CLNK: variants seen among roughly 807,000 people sequenced by gnomAD.
CLNK encodes the protein cytokine dependent hematopoietic cell linker.
In CLNK, 74 loss-of-function variants were observed where a neutral mutation model predicts 68.6. The ratio of observed to expected loss-of-function variants is 1.08; its 90% CI spans 0.89 to 1.31. The LOEUF is 1.31. Ranked by LOEUF, CLNK falls within the 50% of genes most tolerant of loss-of-function variation. CLNK has a pLI of 0.00. For synonymous variants in CLNK, 198 were observed against 172.2 expected, an observed-to-expected ratio of 1.15 and a Z score of -1.17; for missense variants, 553 against 515.3, an observed-to-expected ratio of 1.07 and a Z score of -0.71.
At chr4:10,498,101 A>G (rs1325849957) in intron 18 of CLNK, among the ~76,000 whole-genome samples, 1 of 152,184 alleles carries the variant, frequency 6.6e-6, no homozygotes, top group Admixed American at 6.5e-5. Context: ...AGGCTGAGGC[A>G]GGAGAATCGC....
intron 18 of CLNK, among the ~76,000 whole-genome samples, chr4:10,492,789 A>G (rs1716637503): frequency 6.6e-6 from 1 of 152,104 alleles, no homozygotes; most frequent in South Asian, 2.1e-4. Flanking sequence ...TAGAGTGGGA[A>G]TGTCTTGATG....
chr4:10,532,776 G>T (rs1718599699), intron 11 of CLNK, among the ~76,000 whole-genome samples: 1 of 152,118 alleles, frequency 6.6e-6, no homozygotes, highest in Non-Finnish European at 1.5e-5. Flanking sequence ...ACATAAAATT[G>T]AATGGTAGAG....
At chr4:10,609,090 T>A (rs536109358) in intron 2 of CLNK, among the ~76,000 whole-genome samples, 16 of 152,348 alleles carry the variant, frequency 1.1e-4, no homozygotes, top group Non-Finnish European at 2.1e-4. Context: ...CTGGGTCACG[T>A]TAAACAAGAC....
chr4:10,712,461 T>A, the CLNK span, among the ~76,000 whole-genome samples: 1 of 152,128 alleles, frequency 6.6e-6, no homozygotes, highest in African/African-American at 2.4e-5. Flanking sequence ...AAACTAACAA[T>A]GGGAGGAATT....
Position 10,599,798 on chromosome 4 carries a change from C to T in CLNK, c.12-1749G>A, listed in dbSNP as rs77356550. Among the ~76,000 whole-genome samples the T allele has an allele frequency of 8.3e-4, 126 of 152,142 alleles. 1 individual carries two copies. In the East Asian group the frequency reaches 0.021, roughly 25 times the overall value. On this transcript the variant is annotated intron_variant, in intron 2 of 18. Transcript: ENST00000226951. ...CCTCCTGACTCTGTCTCTTCTTTGT[C>T]GTGTTCATGAGCTATTTAATATATT...
intron 11 of CLNK, among the ~76,000 whole-genome samples, chr4:10,533,540 G>A (rs910494867): frequency 1.3e-5 from 2 of 152,272 alleles, no homozygotes; most frequent in Admixed American, 6.5e-5. Flanking sequence ...TCCCAGTGTC[G>A]GATCTGCAAG....
At chr4:10,731,999 G>T in the CLNK span, among the ~76,000 whole-genome samples, 1 of 152,134 alleles carries the variant, frequency 6.6e-6, no homozygotes, top group Admixed American at 6.5e-5. Flanking sequence ...CCTCATTATG[G>T]CTGATTTCAA....
rs576899572 is a variant in CLNK, at chr4:10,503,253, G to T, written c.985-1842C>A. On this transcript the variant is annotated intron_variant, in intron 17 of 18. Transcript: ENST00000226951. ...ACGCGGGTGGATCACTTGAGGTCAGGAGTTCGAGACTTAGCCCGGCTGACA... is the reference window on the plus strand; with the variant it reads ...ACGCGGGTGGATCACTTGAGGTCAGTAGTTCGAGACTTAGCCCGGCTGACA... Among the ~76,000 whole-genome samples, 140 of 152,178 alleles carry T rather than the reference G, an allele frequency of 9.2e-4. 2 individuals are homozygous for T. Among genetic ancestry groups the T allele is most frequent in the Middle Eastern group, 3.4e-3 (1 of 294 alleles).
chr4:10,639,333 G>A (rs187371316), intron 2 of CLNK, among the ~76,000 whole-genome samples: 1 of 152,216 alleles, frequency 6.6e-6, no homozygotes, highest in East Asian at 1.9e-4. Context: ...TGCTTTGTCA[G>A]TGGCTTTGGC....
At chr4:10,652,800 A>G (rs1024632292) in intron 2 of CLNK, among the ~76,000 whole-genome samples, 4 of 152,342 alleles carry the variant, frequency 2.6e-5, no homozygotes, top group East Asian at 1.9e-4. Flanking sequence ...ACTGCATGCA[A>G]TTATGGTGGT....
intron 2 of CLNK, among the ~76,000 whole-genome samples, chr4:10,666,683 A>G (rs1049331449): frequency 6.6e-6 from 1 of 152,242 alleles, no homozygotes; most frequent in Non-Finnish European, 1.5e-5. Flanking sequence ...AAAGGAGGTC[A>G]CAACTCCTGG....
At chr4:10,607,018 G>A (rs1363579996) in intron 2 of CLNK, among the ~76,000 whole-genome samples, 7 of 152,174 alleles carry the variant, frequency 4.6e-5, no homozygotes, top group Admixed American at 6.5e-5. Flanking sequence ...TTACAGATGA[G>A]AAAACCATGG....
chr4:10,688,211 G>T (rs1725337983), upstream of CLNK, among the ~76,000 whole-genome samples: 1 of 152,330 alleles, frequency 6.6e-6, no homozygotes, highest in East Asian at 1.9e-4. Flanking sequence ...ATATTGAGTT[G>T]TGGGTAAGTG....
intron 3 of CLNK, among the ~76,000 whole-genome samples, chr4:10,590,394 T>C (rs1721139515): frequency 6.6e-6 from 1 of 152,190 alleles, no homozygotes; most frequent in Admixed American, 6.5e-5. Flanking sequence ...TGGTGTGTTA[T>C]TCCAGTCCCA....
At chr4:10,621,609 A>C (rs1722462512) in intron 2 of CLNK, among the ~76,000 whole-genome samples, 1 of 152,166 alleles carries the variant, frequency 6.6e-6, no homozygotes, top group Non-Finnish European at 1.5e-5. Flanking sequence ...CTGTCCTTAG[A>C]TTTGATAAGC....
chr4:10,632,199 G>A (rs1188270426), intron 2 of CLNK, among the ~76,000 whole-genome samples: 2 of 152,186 alleles, frequency 1.3e-5, no homozygotes, highest in Non-Finnish European at 1.5e-5. Context: ...CGAGTGTCCA[G>A]GCATCGTCCT....
chr4:10,717,019 A>AG, the CLNK span, among the ~76,000 whole-genome samples: 2 of 130,598 alleles, frequency 1.5e-5, no homozygotes, highest in African/African-American at 2.8e-5. Context: ...CAAACGCCAC[A>AG]GAAAAAAAAA....
intron 1 of CLNK, among the ~76,000 whole-genome samples, chr4:10,684,097 T>C (rs1725181945): frequency 6.6e-6 from 1 of 152,234 alleles, no homozygotes; most frequent in Non-Finnish European, 1.5e-5. Flanking sequence ...CCGGCACTTT[T>C]CAAGAGTAAG....
At chr4:10,640,970 T>C (rs2108875429) in intron 2 of CLNK, among the ~76,000 whole-genome samples, 1 of 152,336 alleles carries the variant, frequency 6.6e-6, no homozygotes, top group Admixed American at 6.5e-5. Context: ...GGTAGCTGCC[T>C]CTGGAAGCTT....
Sources: allele counts gnomAD v4.1 joint callset (sites outside exome capture counted in the v4.1 genomes callset), GRCh38; gene constraint gnomAD v4.1.1; transcripts MANE v1.5; gene names NCBI Gene and HGNC (gene_info 2026-07-23, HGNC 2026-07-21).